Variants in MYO1B observed in about 807,000 individuals in gnomAD.
MYO1B encodes myosin IB, also known as unconventional myosin-Ib.
A neutral mutation model predicts 159.7 loss-of-function variants in MYO1B; 72 were observed. That is an observed-to-expected ratio of 0.45 (90% CI 0.37 to 0.55). The LOEUF (loss-of-function observed/expected upper bound fraction) is 0.55. Among genes scored for constraint, MYO1B ranks in the 20% least tolerant of loss-of-function variants. The probability of loss-of-function intolerance (pLI) is 0.00; values close to 1 mark genes in which losing one functional copy is unlikely to be tolerated. For missense variants in MYO1B, 1,062 were observed against 1,364.8 expected (o/e 0.78, Z 3.50); for synonymous variants, 468 against 473.8 (o/e 0.99, Z 0.16).
chr2:191,340,402 A>G (rs1441514995), intron 4 of MYO1B, among the ~76,000 whole-genome samples: 1 of 152,144 alleles, frequency 6.6e-6, no homozygotes, highest in Non-Finnish European at 1.5e-5. Context: ...ATTTCTTGAA[A>G]CTTAGTGTTA....
chr2:191,388,478 T>C lies in MYO1B; in HGVS notation c.1781+1028T>C, dbSNP rs563581774. Among the ~76,000 whole-genome samples, 13 of 152,312 alleles carry C rather than the reference T, an allele frequency of 8.5e-5. No individual in the cohort carries two copies. The East Asian group carries it at 2.5e-3, about 29-fold the overall frequency. On this transcript the variant is annotated intron_variant, in intron 17 of 30. Coordinates refer to ENST00000392318, the MANE Select transcript of MYO1B (RefSeq NM_001130158.3). ...GAGCACACCCATACCCACAAGTACCTTCTATAGTTGTCTTTGAAAATGCAG... is the reference window on the plus strand; with the variant it reads ...GAGCACACCCATACCCACAAGTACCCTCTATAGTTGTCTTTGAAAATGCAG...
intron 1 of MYO1B, among the ~76,000 whole-genome samples, chr2:191,253,277 T>C (rs1686237684): frequency 6.6e-6 from 1 of 152,196 alleles, no homozygotes; most frequent in African/African-American, 2.4e-5. Flanking sequence ...GTACCACGTT[T>C]TGGGGGGATC....
intron 4 of MYO1B, among the ~76,000 whole-genome samples, chr2:191,339,281 G>A (rs145865333): frequency 4.1e-4 from 62 of 152,310 alleles, no homozygotes; most frequent in African/African-American, 1.5e-3. Context: ...CTATACCTTG[G>A]ACTAGAGGGT....
At chr2:191,408,721 A>C (rs1001564166) in intron 25 of MYO1B, among the ~76,000 whole-genome samples, 1 of 152,222 alleles carries the variant, frequency 6.6e-6, no homozygotes, top group African/African-American at 2.4e-5. Context: ...TAGTTACTTA[A>C]AATGTAAATA....
chr2:191,337,029 A>T (rs771634292), intron 4 of MYO1B, among the ~76,000 whole-genome samples: 27 of 152,190 alleles, frequency 1.8e-4, no homozygotes, highest in Non-Finnish European at 1.5e-4. Context: ...CTCCTGGATA[A>T]ATTTATTAGA....
intron 27 of MYO1B, among the ~76,000 whole-genome samples, chr2:191,413,353 TG>T (rs1171727555): frequency 6.6e-6 from 1 of 152,176 alleles, no homozygotes; most frequent in East Asian, 1.9e-4. Context: ...AATAAAGTGT[TG>T]GATATCTCAT....
chr2:191,354,062 C>G (rs1693100842), intron 7 of MYO1B, among the ~76,000 whole-genome samples: 1 of 151,976 alleles, frequency 6.6e-6, no homozygotes, highest in Non-Finnish European at 1.5e-5. Context: ...TCAAGACCAG[C>G]CTGATCAACA....
chr2:191,329,526 T>A (rs944743864), intron 3 of MYO1B, among the ~76,000 whole-genome samples: 1 of 151,388 alleles, frequency 6.6e-6, no homozygotes, highest in Non-Finnish European at 1.5e-5. Flanking sequence ...TTGTCTGAGT[T>A]ACCTGGATTT....
chr2:191,331,843 C>T (rs1691500819), intron 4 of MYO1B, among the ~76,000 whole-genome samples: 1 of 152,218 alleles, frequency 6.6e-6, no homozygotes, highest in African/African-American at 2.4e-5. Flanking sequence ...TCTTACAAAT[C>T]TCTCATTATC....
intron 3 of MYO1B, among the ~76,000 whole-genome samples, chr2:191,306,074 G>A (rs547899240): frequency 7.8e-4 from 119 of 152,210 alleles, no homozygotes; most frequent in African/African-American, 2.6e-3. Flanking sequence ...CACAAGAGAC[G>A]TTAATAAAAC....
chr2:191,352,100 G>A (rs1037842302), intron 7 of MYO1B, among the ~76,000 whole-genome samples: 36 of 152,166 alleles, frequency 2.4e-4, no homozygotes, highest in African/African-American at 8.2e-4. Flanking sequence ...AAGTACTCAT[G>A]CAAACCACAT....
chr2:191,296,992 A>C (rs1472990071), intron 3 of MYO1B, among the ~76,000 whole-genome samples: 2 of 152,220 alleles, frequency 1.3e-5, no homozygotes, highest in African/African-American at 4.8e-5. Context: ...AAAATATCTG[A>C]AAAAGAAAGT....
chr2:191,352,533 CT>C, intron 7 of MYO1B, among the ~76,000 whole-genome samples: 1 of 152,294 alleles, frequency 6.6e-6, no homozygotes, highest in African/African-American at 2.4e-5. Flanking sequence ...TTCTTGTCCC[CT>C]GATTCTTGCA....
chr2:191,397,894 G>A (rs1219906749), intron 21 of MYO1B, among the ~76,000 whole-genome samples: 5 of 132,770 alleles, frequency 3.8e-5, no homozygotes, highest in African/African-American at 1.2e-4. Flanking sequence ...CAGTAGGGGC[G>A]GCCGGGCAGA....
intron 3 of MYO1B, among the ~76,000 whole-genome samples, chr2:191,311,947 C>T (rs1384100262): frequency 6.6e-6 from 1 of 152,200 alleles, no homozygotes; most frequent in African/African-American, 2.4e-5. Context: ...CATTTGCCTC[C>T]TTTCCGTAAC....
intron 1 of MYO1B, among the ~76,000 whole-genome samples, chr2:191,257,378 C>G (rs1371895262): frequency 6.6e-6 from 1 of 152,140 alleles, no homozygotes; most frequent in Non-Finnish European, 1.5e-5. Context: ...TCCTCTTTGC[C>G]TATTTTGCAT....
chr2:191,267,910 G>A (rs971544314), intron 1 of MYO1B, among the ~76,000 whole-genome samples: 4 of 152,278 alleles, frequency 2.6e-5, no homozygotes, highest in Non-Finnish European at 2.9e-5. Context: ...GAAGGGTAGC[G>A]ATGATGGAAA....
chr2:191,351,662 G>A (rs1225830941), intron 7 of MYO1B, among the ~76,000 whole-genome samples: 2 of 152,144 alleles, frequency 1.3e-5, no homozygotes, highest in East Asian at 3.9e-4. Flanking sequence ...TGAGGCAGGG[G>A]GATCACCTGA....
At chr2:191,350,130 A>G in intron 6 of MYO1B, 32 bp from the exon 7 acceptor site, 1 of 1,580,872 alleles carries the variant, frequency 6.3e-7, no homozygotes, top group Non-Finnish European at 8.7e-7. Flanking sequence ...TTTGAGATGA[A>G]CTAGAAAACT....
Sources: gnomAD v4.1 joint callset for allele counts (sites outside exome capture counted in the v4.1 genomes callset) on GRCh38, gnomAD v4.1.1 for gene constraint, MANE v1.5 for transcripts, NCBI Gene and HGNC (gene_info 2026-07-23, HGNC 2026-07-21) for gene names.